Variants in CACNA2D1 observed in about 807,000 individuals in gnomAD.
CACNA2D1 encodes calcium voltage-gated channel auxiliary subunit alpha2delta 1.
A neutral mutation model predicts 171.5 loss-of-function variants in CACNA2D1; 53 were observed. The observed-to-expected ratio is 0.31, with a 90% CI of 0.25 to 0.39. The LOEUF is 0.39. Among genes scored for constraint, CACNA2D1 ranks in the 10% least tolerant of loss-of-function variants. The probability of loss-of-function intolerance (pLI) is 1.00; values close to 1 mark genes in which losing one functional copy is unlikely to be tolerated. For synonymous variants in CACNA2D1, 442 were observed against 443.1 expected (o/e 1.00, Z 0.03); for missense variants, 903 against 1,299.8 (o/e 0.69, Z 4.69).
At chr7:82,369,683 T>C (rs1362739027) in intron 1 of CACNA2D1, among the ~76,000 whole-genome samples, 1 of 152,010 alleles carries the variant, frequency 6.6e-6, no homozygotes, top group African/African-American at 2.4e-5. Flanking sequence ...TCAAAAATAG[T>C]ATATCATGAC....
chr7:82,423,596 C>T (rs12673314), intron 1 of CACNA2D1, among the ~76,000 whole-genome samples: 27,688 of 152,058 alleles, frequency 0.18, 3,095 homozygotes, highest in East Asian at 0.46. Context: ...AGTTCCTCGT[C>T]AAATAGCAGG....
At chr7:82,314,897 TATC>T (rs1814920494) in intron 3 of CACNA2D1, among the ~76,000 whole-genome samples, 1 of 151,820 alleles carries the variant, frequency 6.6e-6, no homozygotes, top group South Asian at 2.1e-4. Flanking sequence ...TACCACCCCA[TATC>T]ATATCATATT....
rs539903372 is a variant in CACNA2D1 at position 82,074,663 on chromosome 7, G to A, written c.659-8139C>T. Among the ~76,000 whole-genome samples, 4 of 152,226 alleles carry A rather than the reference G, an allele frequency of 2.6e-5. No individual in the cohort carries two copies. The East Asian group carries it at 7.7e-4, about 29-fold the overall frequency. ...CTCTTACTGGTATTAGAATCCTCAG[G>A]ATATCTCAGTTTCTTCAGAAACAGA... is the stretch of plus-strand genomic sequence containing the variant. On this transcript the variant is annotated intron_variant, in intron 7 of 38. Transcript: ENST00000356860.
At chr7:82,405,404 AC>A (rs1465213019) in intron 1 of CACNA2D1, among the ~76,000 whole-genome samples, 1 of 152,244 alleles carries the variant, frequency 6.6e-6, no homozygotes, top group Admixed American at 6.5e-5. Flanking sequence ...CTAAATTTAT[AC>A]CAATGGGATC....
chr7:82,119,069 T>C (rs914558087), intron 5 of CACNA2D1, among the ~76,000 whole-genome samples: 2 of 152,104 alleles, frequency 1.3e-5, no homozygotes, highest in African/African-American at 4.8e-5. Context: ...ACCTGACTTT[T>C]ATGAAAAAGG....
At chr7:82,362,701 G>C (rs1022003019) in intron 1 of CACNA2D1, among the ~76,000 whole-genome samples, 2 of 152,104 alleles carry the variant, frequency 1.3e-5, no homozygotes, top group Non-Finnish European at 2.9e-5. Context: ...ATACTCATTT[G>C]TATCACCGTT....
At chr7:82,056,988 A>G (rs919985299) in intron 10 of CACNA2D1, among the ~76,000 whole-genome samples, 15 of 152,182 alleles carry the variant, frequency 9.9e-5, no homozygotes, top group African/African-American at 3.6e-4. Flanking sequence ...CCAGCCTGAT[A>G]ACATTGGGAC....
At chr7:82,126,825 C>T (rs73703620) in intron 5 of CACNA2D1, among the ~76,000 whole-genome samples, 43 of 152,268 alleles carry the variant, frequency 2.8e-4, no homozygotes, top group African/African-American at 5.1e-4. Flanking sequence ...GTTGAGTAGA[C>T]AGATTTGAGA....
At chr7:82,304,731 G>A (rs1813497733) in intron 3 of CACNA2D1, among the ~76,000 whole-genome samples, 1 of 152,034 alleles carries the variant, frequency 6.6e-6, no homozygotes, top group African/African-American at 2.4e-5. Context: ...GTATAGAGAG[G>A]GGCATAAAGA....
At chr7:82,433,652 C>A (rs1281458533) in intron 1 of CACNA2D1, among the ~76,000 whole-genome samples, 1 of 152,180 alleles carries the variant, frequency 6.6e-6, no homozygotes, top group East Asian at 1.9e-4. Context: ...TCATTGCTTT[C>A]ATCTCTCTGA....
intron 9 of CACNA2D1, 92 bp from the exon 10 acceptor site, chr7:82,060,619 A>T: frequency 1.4e-6 from 1 of 693,498 alleles, no homozygotes; most frequent in Non-Finnish European, 2.5e-6. Flanking sequence ...CTGACCCTAG[A>T]TCTTTTATAT....
intron 12 of CACNA2D1, among the ~76,000 whole-genome samples, chr7:82,031,573 T>A (rs769052424): frequency 7.2e-5 from 11 of 151,960 alleles, no homozygotes; most frequent in Non-Finnish European, 1.3e-4. Flanking sequence ...CTGTAGTACA[T>A]GCAGTAAGCA....
At chr7:82,438,036 C>CA (rs1830234629) in intron 1 of CACNA2D1, among the ~76,000 whole-genome samples, 1 of 152,112 alleles carries the variant, frequency 6.6e-6, no homozygotes, top group Non-Finnish European at 1.5e-5. Flanking sequence ...TAAAAGACAG[C>CA]AAAACTGTCT....
intron 1 of CACNA2D1, among the ~76,000 whole-genome samples, chr7:82,429,655 T>C (rs1829506443): frequency 6.6e-6 from 1 of 152,176 alleles, no homozygotes; most frequent in South Asian, 2.1e-4. Flanking sequence ...TGACCTCATA[T>C]AATTATCACG....
intron 4 of CACNA2D1, among the ~76,000 whole-genome samples, chr7:82,169,334 G>T (rs1320502636): frequency 6.6e-6 from 1 of 151,868 alleles, no homozygotes; most frequent in African/African-American, 2.4e-5. Context: ...TGTAGACAAA[G>T]CCAATACCTA....
At position 82,380,459 on chromosome 7, in the gene CACNA2D1, C is replaced by A. The variant is rs144349952; in HGVS notation, c.96-30810G>T. On this transcript the variant is annotated intron_variant, in intron 1 of 38. Coordinates refer to ENST00000356860, the MANE Select transcript of CACNA2D1 (RefSeq NM_000722.4). Reference sequence around the variant, plus strand: ...AATTTTTGATGTGAGTGATTCCAAACTATTATATAATAAAAAGTCTGCTCT... The same window carrying A: ...AATTTTTGATGTGAGTGATTCCAAAATATTATATAATAAAAAGTCTGCTCT... Among the ~76,000 whole-genome samples the A allele has an allele frequency of 4.3e-3, 650 of 152,096 alleles. 16 individuals are homozygous for A. In the East Asian group the frequency reaches 0.057, roughly 13 times the overall value.
chr7:82,021,282 A>C (rs1381609127), intron 12 of CACNA2D1: 1 of 152,112 alleles, frequency 6.6e-6, no homozygotes, highest in Non-Finnish European at 1.5e-5. Flanking sequence ...TGACACTGAT[A>C]ATGAGAATGC....
intron 7 of CACNA2D1, among the ~76,000 whole-genome samples, chr7:82,080,233 T>A (rs1563014473): frequency 6.6e-6 from 1 of 151,764 alleles, no homozygotes; most frequent in East Asian, 1.9e-4. Context: ...TTAAGTAGCA[T>A]ATTAATAATC....
At chr7:82,427,395 C>G (rs1238374379) in intron 1 of CACNA2D1, among the ~76,000 whole-genome samples, 1 of 152,102 alleles carries the variant, frequency 6.6e-6, no homozygotes, top group East Asian at 1.9e-4. Flanking sequence ...CAACTAAAAC[C>G]AAGTTTTTAA....
Sources: allele counts gnomAD v4.1 joint callset (sites outside exome capture counted in the v4.1 genomes callset), GRCh38; gene constraint gnomAD v4.1.1; transcripts MANE v1.5; gene names NCBI Gene and HGNC (gene_info 2026-07-23, HGNC 2026-07-21).